The following PPP1R3A variants were observed in gnomAD, a reference collection of about 807,000 sequenced individuals.
The protein encoded by PPP1R3A is RG1.
A neutral mutation model predicts 41.7 loss-of-function variants in PPP1R3A; 29 were observed. The ratio of observed to expected loss-of-function variants is 0.70; its 90% CI spans 0.52 to 0.95. The LOEUF (loss-of-function observed/expected upper bound fraction) is 0.95. Ranked by LOEUF, PPP1R3A falls within the 40% of genes least tolerant of loss-of-function variation. The probability of loss-of-function intolerance (pLI) is 0.00; values close to 1 mark genes in which losing one functional copy is unlikely to be tolerated. For synonymous variants in PPP1R3A, 485 were observed against 453.4 expected (o/e 1.07, Z -0.89); for missense variants, 1,352 against 1,292.4 (o/e 1.05, Z -0.71).
intron 1 of PPP1R3A, among the ~76,000 whole-genome samples, chr7:113,894,817 G>T (rs1390291616): frequency 2.0e-5 from 3 of 151,890 alleles, no homozygotes; most frequent in Non-Finnish European, 4.4e-5. Context: ...TAAATATTGA[G>T]CTCTAACCTC....
chr7:113,912,400 C>T (rs1797266159), intron 1 of PPP1R3A, among the ~76,000 whole-genome samples: 1 of 152,044 alleles, frequency 6.6e-6, no homozygotes, highest in South Asian at 2.1e-4. Flanking sequence ...TGTGTACATA[C>T]ATATATAAGC....
chr7:113,917,193 C>T (rs552828812), intron 1 of PPP1R3A, among the ~76,000 whole-genome samples: 1 of 152,098 alleles, frequency 6.6e-6, no homozygotes, highest in Non-Finnish European at 1.5e-5. Flanking sequence ...TCCTATATTT[C>T]CTATTTCCTA....
chr7:113,880,072 ATTCCT>A lies in PPP1R3A; in HGVS notation c.1015_1019del (p.Arg339TyrfsTer12), dbSNP rs764272361. On this transcript the variant is annotated frameshift_variant, in exon 4 of 4. Coordinates refer to ENST00000284601, the MANE Select transcript of PPP1R3A (RefSeq NM_002711.4). LOFTEE classifies it low-confidence loss of function (END_TRUNC). ...AATTGACTGGATCTGTTGAAAATGT[ATTCCT>A]TTCATCTCTGGAAGCAGTACTTCTG... The A allele has an allele frequency of 6.2e-7, 1 of 1,609,188 alleles. No homozygotes were observed. Among genetic ancestry groups the A allele is most frequent in the East Asian group, 2.2e-5 (1 of 44,770 alleles).
intron 3 of PPP1R3A, among the ~76,000 whole-genome samples, 193 bp from the exon 4 acceptor site, chr7:113,880,318 G>A (rs1218105666): frequency 1.3e-5 from 2 of 151,970 alleles, no homozygotes; most frequent in Non-Finnish European, 1.5e-5. Context: ...ACTGGGGAAC[G>A]AGATTAGTAA....
rs112260587 is a variant in PPP1R3A at position 113,913,190 on chromosome 7, C to T, written c.782+5025G>A. Among the ~76,000 whole-genome samples, 21 of 152,176 alleles carry T rather than the reference C, an allele frequency of 1.4e-4. No homozygotes were observed. The South Asian group carries it at 1.9e-3, about 14-fold the overall frequency. On this transcript the variant is annotated intron_variant, in intron 1 of 3. Coordinates refer to ENST00000284601, the MANE Select transcript of PPP1R3A (RefSeq NM_002711.4). ...CTCAAAACGAGTTAGTTATGGCATACGTGAGGTCCCAAAGGCCTCGTGGGG... is the reference window on the plus strand; with the variant it reads ...CTCAAAACGAGTTAGTTATGGCATATGTGAGGTCCCAAAGGCCTCGTGGGG...
chr7:113,887,004 T>C (rs967075891), intron 1 of PPP1R3A, among the ~76,000 whole-genome samples: 2 of 152,198 alleles, frequency 1.3e-5, no homozygotes, highest in Non-Finnish European at 2.9e-5. Flanking sequence ...AGAAATGCTG[T>C]TGAGTGAATA....
chr7:113,886,506 T>C (rs919554676), intron 1 of PPP1R3A, among the ~76,000 whole-genome samples: 9 of 152,278 alleles, frequency 5.9e-5, no homozygotes, highest in South Asian at 4.1e-4. Flanking sequence ...CTCTTTCTTT[T>C]GTAAATTGCC....
chr7:113,896,075 G>T (rs1796970797), intron 1 of PPP1R3A, among the ~76,000 whole-genome samples: 2 of 150,608 alleles, frequency 1.3e-5, no homozygotes, highest in Admixed American at 1.3e-4. Flanking sequence ...GACGCCTCCA[G>T]GGACTATCAG....
chr7:113,886,301 G>A (rs899729526), intron 1 of PPP1R3A, among the ~76,000 whole-genome samples: 1 of 151,924 alleles, frequency 6.6e-6, no homozygotes, highest in Non-Finnish European at 1.5e-5. Context: ...GTATTATGGG[G>A]GTGGGTCTTT....
intron 1 of PPP1R3A, among the ~76,000 whole-genome samples, chr7:113,901,826 T>C (rs1744065314): frequency 6.6e-6 from 1 of 151,784 alleles, no homozygotes; most frequent in South Asian, 2.1e-4. Flanking sequence ...ATCTCTTTAA[T>C]CCTCTTTCTG....
chr7:113,900,714 C>G (rs538555402), intron 1 of PPP1R3A, among the ~76,000 whole-genome samples: 207 of 147,478 alleles, frequency 1.4e-3, no homozygotes, highest in African/African-American at 5.0e-3. Flanking sequence ...ATATACAGTG[C>G]TATACATGAT....
At chr7:113,881,709 G>C (rs1008979571) in intron 3 of PPP1R3A, among the ~76,000 whole-genome samples, 1 of 151,918 alleles carries the variant, frequency 6.6e-6, no homozygotes, top group African/African-American at 2.4e-5. Flanking sequence ...TTTTATAGAC[G>C]AGTTTATGCT....
rs764124097 is a variant in PPP1R3A, at chr7:113,877,839, A to G, written c.3253T>C (p.Phe1085Leu). ...TCATAATGGTAGACAGTTATAAGAA[A>G]TATCAGAAACAAAAGGAAATAAGGT... ...KIPYFLLFLI[F>L]LITVYHYDLM... is the part of the protein sequence containing the mutation. The change falls in exon 4 of 4, where the codon TTT becomes CTT. Residue 1085 changes from phenylalanine to leucine, a missense_variant. Physicochemically the swap from Phe to Leu is conservative, Grantham distance 22. Transcript: ENST00000284601. 1.9e-6 allele frequency: 3 copies of G among 1,609,954 alleles called. No homozygotes were observed. The highest frequency in any genetic ancestry group is 2.2e-5 in the South Asian group (2 of 90,994).
intron 1 of PPP1R3A, among the ~76,000 whole-genome samples, chr7:113,900,064 CTT>C: frequency 6.7e-6 from 1 of 150,050 alleles, no homozygotes; most frequent in Non-Finnish European, 1.5e-5. Context: ...TTTAAATTTA[CTT>C]TTTTTTTTAA....
At chr7:113,917,400 C>A (rs1797358233) in intron 1 of PPP1R3A, among the ~76,000 whole-genome samples, 1 of 151,992 alleles carries the variant, frequency 6.6e-6, no homozygotes, top group Non-Finnish European at 1.5e-5. Flanking sequence ...AATTAGCCAG[C>A]TATGTACTAT....
intron 1 of PPP1R3A, among the ~76,000 whole-genome samples, chr7:113,901,517 C>A (rs956741563): frequency 6.6e-6 from 1 of 151,784 alleles, no homozygotes; most frequent in Admixed American, 6.6e-5. Flanking sequence ...AAATTAATTT[C>A]TCCTCAATGA....
rs1797026211 is a variant in PPP1R3A at position 113,899,272 on chromosome 7, C to T, written c.783-16952G>A. ...TATTGATTAAAATCTGTGCTCACCA[C>T]TTCATCCAATGTCTTTAAAAAGAAA... On this transcript the variant is annotated intron_variant, in intron 1 of 3. Coordinates refer to ENST00000284601, the MANE Select transcript of PPP1R3A (RefSeq NM_002711.4). Among the ~76,000 whole-genome samples, 4 of 151,790 alleles carry T rather than the reference C, an allele frequency of 2.6e-5. No homozygotes were observed. The South Asian group carries it at 8.3e-4, about 31-fold the overall frequency.
chr7:113,879,786 C>T lies in PPP1R3A; in HGVS notation c.1306G>A (p.Glu436Lys). Residue 436 changes from glutamate (E) to lysine (K), a missense_variant, in exon 4 of 4, where the codon GAA becomes AAA. Glu to Lys is a moderately conservative substitution (Grantham distance 56). Transcript: ENST00000284601. ...GGATTAGCATTATCATCCAGGACTT[C>T]TTTGCTGCCAGTATGTAATTGCACT... ...ELVQLHTGSK[E>K]VLDDNANPAH... 6.2e-7 allele frequency: 1 copy of T among 1,613,428 alleles called. No homozygotes were observed. Among genetic ancestry groups the T allele is most frequent in the Non-Finnish European group, 8.5e-7 (1 of 1,179,674 alleles).
At position 113,878,298 on chromosome 7, in the gene PPP1R3A, T is replaced by C. The variant is rs776699901; in HGVS notation, c.2794A>G (p.Ile932Val). 3.7e-6 allele frequency: 6 copies of C among 1,613,108 alleles called. No homozygotes were observed. The East Asian group carries it at 1.3e-4, about 36-fold the overall frequency. Residue 932 changes from isoleucine to valine, a missense_variant, in exon 4 of 4, where the codon ATT becomes GTT. Ile to Val is a conservative substitution (Grantham distance 29). Transcript: ENST00000284601. ...GTAGTAACTGCATTCTCTACAGCAA[T>C]TGCCTGCTCATTAGTTGACACTGAA... is the stretch of plus-strand genomic sequence containing the variant. ...EISVSTNEQA[I>V]AVENAVTTMA...
Sources: gnomAD v4.1 joint callset for allele counts (sites outside exome capture counted in the v4.1 genomes callset) on GRCh38, gnomAD v4.1.1 for gene constraint, MANE v1.5 for transcripts, NCBI Gene and HGNC (gene_info 2026-07-23, HGNC 2026-07-21) for gene names.